The following SBF2 variants were observed in gnomAD, a reference collection of about 807,000 sequenced individuals.
SBF2 encodes the protein SET binding factor 2.
A neutral mutation model predicts 225.2 loss-of-function variants in SBF2; 112 were observed. That is an observed-to-expected ratio of 0.50 (90% CI 0.43 to 0.58). The LOEUF is 0.58. Ranked by LOEUF, SBF2 falls within the 20% of genes least tolerant of loss-of-function variation. The pLI is 0.00. For synonymous variants in SBF2, 763 were observed against 773.3 expected (o/e 0.99, Z 0.22); for missense variants, 1,996 against 2,206.2 (o/e 0.90, Z 1.91).
chr11:10,054,303 A>G (rs1343417931), intron 2 of SBF2, among the ~76,000 whole-genome samples: 1 of 152,212 alleles, frequency 6.6e-6, no homozygotes, highest in Non-Finnish European at 1.5e-5. Context: ...TCAACTAGTA[A>G]GAGTTTACTT....
chr11:10,164,786 T>C (rs1323318311), intron 2 of SBF2, among the ~76,000 whole-genome samples: 3 of 149,820 alleles, frequency 2.0e-5, no homozygotes, highest in Non-Finnish European at 3.0e-5. Context: ...GGATGTTATC[T>C]ATACACCCAT....
At chr11:9,842,581 A>C (rs1325214057) in intron 25 of SBF2, 44 bp downstream of exon 25, 3 of 1,597,194 alleles carry the variant, frequency 1.9e-6, no homozygotes, top group Non-Finnish European at 2.6e-6. Context: ...TATTCATATA[A>C]GAAATAAAGT....
intron 32 of SBF2, among the ~76,000 whole-genome samples, chr11:9,797,526 C>T (rs1192548490): frequency 6.6e-6 from 1 of 152,212 alleles, no homozygotes; most frequent in Non-Finnish European, 1.5e-5. Context: ...CAGAGCTTTC[C>T]ATGGGACATG....
intron 28 of SBF2, among the ~76,000 whole-genome samples, chr11:9,821,608 C>T (rs1366064446): frequency 2.0e-5 from 3 of 152,190 alleles, no homozygotes; most frequent in Admixed American, 1.3e-4. Flanking sequence ...ACCAGCAAAA[C>T]GTCTCAAGCT....
At chr11:9,821,878 C>T (rs890013966) in intron 28 of SBF2, among the ~76,000 whole-genome samples, 12 of 152,080 alleles carry the variant, frequency 7.9e-5, no homozygotes, top group East Asian at 3.9e-4. Context: ...TTTCTTACTG[C>T]GAGTCATGAT....
intron 17 of SBF2, among the ~76,000 whole-genome samples, chr11:9,889,513 A>G (rs1860622076): frequency 6.6e-6 from 1 of 152,244 alleles, no homozygotes; most frequent in South Asian, 2.1e-4. Context: ...ATATTTCTTT[A>G]AACTGAGGAG....
rs749815764 is a variant in SBF2 at position 10,193,979 on chromosome 11, C to T, written c.64G>A (p.Glu22Lys). The change falls in exon 2 of 40, where the codon GAA becomes AAA. Residue 22 changes from glutamate to lysine, a missense_variant. By Grantham distance (56) the Glu-to-Lys change is moderately conservative. Coordinates refer to ENST00000256190, the MANE Select transcript of SBF2 (RefSeq NM_030962.4). The stretch of plus-strand genomic sequence containing the variant: ...CTCTGGATTATTTTCCCCAGACCTT[C>T]TCCTGATCCTGTTAATAAAATCAAA... Reference protein sequence around the residue: ...GYDHEKPGSGEGLGKIIQRFP... With the variant: ...GYDHEKPGSGKGLGKIIQRFP... The T allele has an allele frequency of 9.3e-6, 15 of 1,606,602 alleles. No homozygotes were observed. The highest frequency in any genetic ancestry group is 1.3e-5 in the African/African-American group (1 of 74,776).
At chr11:10,091,037 A>G (rs1951764027) in intron 2 of SBF2, among the ~76,000 whole-genome samples, 1 of 152,214 alleles carries the variant, frequency 6.6e-6, no homozygotes, top group Non-Finnish European at 1.5e-5. Flanking sequence ...CCTTCTAGGG[A>G]TTGATACAGC....
chr11:10,063,395 T>C (rs1391975375), intron 2 of SBF2, among the ~76,000 whole-genome samples: 2 of 151,046 alleles, frequency 1.3e-5, no homozygotes, highest in Non-Finnish European at 1.5e-5. Context: ...TCTTGCTCTG[T>C]CGCCCAGGCT....
intron 2 of SBF2, among the ~76,000 whole-genome samples, chr11:10,164,215 C>A (rs1025537822): frequency 1.3e-5 from 2 of 152,120 alleles, no homozygotes; most frequent in African/African-American, 4.8e-5. Flanking sequence ...CTCATGCCAG[C>A]CTTATTAATA....
intron 2 of SBF2, among the ~76,000 whole-genome samples, chr11:10,173,889 C>CA (rs990885767): frequency 4.0e-5 from 6 of 151,868 alleles, no homozygotes; most frequent in Non-Finnish European, 8.8e-5. Context: ...AGGCACCCCC[C>CA]AGCAGGGGCA....
At chr11:9,939,262 A>AT (rs745401513) in intron 16 of SBF2, among the ~76,000 whole-genome samples, 4 of 151,822 alleles carry the variant, frequency 2.6e-5, no homozygotes, top group East Asian at 3.9e-4. Context: ...CGCCCGGCTA[A>AT]TTTTTTTCTA....
At chr11:10,018,468 C>T (rs964227081) in intron 6 of SBF2, among the ~76,000 whole-genome samples, 2 of 152,084 alleles carry the variant, frequency 1.3e-5, no homozygotes, top group Admixed American at 1.3e-4. Context: ...CACTAAAATG[C>T]TGAAAGAGCA....
At chr11:9,900,398 C>A (rs146593992) in intron 16 of SBF2, among the ~76,000 whole-genome samples, 69 of 152,170 alleles carry the variant, frequency 4.5e-4, no homozygotes, top group Middle Eastern at 3.4e-3. Context: ...TTATGTGATA[C>A]CTGCTCCGCC....
intron 2 of SBF2, among the ~76,000 whole-genome samples, chr11:10,135,080 C>T (rs565650156): frequency 6.6e-6 from 1 of 152,382 alleles, no homozygotes; most frequent in South Asian, 2.1e-4. Context: ...GTTCCCAAAC[C>T]TCAGTTCTTG....
chr11:9,880,123 G>A (rs1384623273), intron 17 of SBF2, among the ~76,000 whole-genome samples: 1 of 141,300 alleles, frequency 7.1e-6, no homozygotes, highest in Non-Finnish European at 1.5e-5. Flanking sequence ...ATCTCAGGAT[G>A]AGCCAAGATT....
intron 2 of SBF2, among the ~76,000 whole-genome samples, chr11:10,176,484 T>G (rs1032448586): frequency 2.0e-5 from 3 of 150,836 alleles, no homozygotes; most frequent in Non-Finnish European, 3.0e-5. Flanking sequence ...ATCAAATAGA[T>G]GCAATAAAAA....
At chr11:9,933,713 A>G (rs1019586628) in intron 16 of SBF2, among the ~76,000 whole-genome samples, 1 of 152,244 alleles carries the variant, frequency 6.6e-6, no homozygotes, top group Non-Finnish European at 1.5e-5. Flanking sequence ...AGCAGGGAAG[A>G]TCCAAAATCA....
intron 16 of SBF2, among the ~76,000 whole-genome samples, chr11:9,919,011 G>A (rs141806779): frequency 1.8e-3 from 276 of 152,124 alleles, no homozygotes; most frequent in African/African-American, 6.3e-3. Flanking sequence ...CAAAGTGCTG[G>A]GATTACAGGT....
Sources: allele counts gnomAD v4.1 joint callset (sites outside exome capture counted in the v4.1 genomes callset), GRCh38; gene constraint gnomAD v4.1.1; transcripts MANE v1.5; gene names NCBI Gene and HGNC (gene_info 2026-07-23, HGNC 2026-07-21).